ILRUN: variants seen among roughly 807,000 people sequenced by gnomAD.
The protein encoded by ILRUN is protein ILRUN.
In ILRUN, 3 loss-of-function variants were observed where a neutral mutation model predicts 33.8. The observed-to-expected ratio is 0.09, with a 90% confidence interval of 0.04 to 0.23. ILRUN has a LOEUF of 0.23. Ranked by LOEUF, ILRUN falls within the 10% of genes least tolerant of loss-of-function variation. The pLI, the probability that ILRUN is intolerant of heterozygous loss-of-function variation, is 1.00. For synonymous variants in ILRUN, 124 were observed against 138.9 expected, an observed-to-expected ratio of 0.89 and a Z score of 0.75; for missense variants, 210 against 375.1, an observed-to-expected ratio of 0.56 and a Z score of 3.64.
intron 1 of ILRUN, among the ~76,000 whole-genome samples, chr6:34,684,962 T>C (rs1763483063): frequency 6.6e-6 from 1 of 152,226 alleles, no homozygotes; most frequent in Non-Finnish European, 1.5e-5. Flanking sequence ...GTTAGAGGTT[T>C]CTAAGAAGGG....
Position 34,694,819 on chromosome 6 carries a change from G to A in ILRUN, c.158+1627C>T, listed in dbSNP as rs745576680. Among the ~76,000 whole-genome samples the A allele has an allele frequency of 6.6e-5, 10 of 152,114 alleles. No homozygotes were observed. In the East Asian group the frequency reaches 1.7e-3, roughly 26 times the overall value. Reference sequence around the variant, plus strand: ...TCCCAGCACTTTGGGAGGCCAAGGCGGGTGGATCACATGAGATCAGGAGTT... The same window carrying A: ...TCCCAGCACTTTGGGAGGCCAAGGCAGGTGGATCACATGAGATCAGGAGTT... On this transcript the variant is annotated intron_variant, in intron 1 of 4. Transcript: ENST00000374023.
chr6:34,641,580 C>T (rs1325448261), intron 3 of ILRUN, among the ~76,000 whole-genome samples: 1 of 152,100 alleles, frequency 6.6e-6, no homozygotes, highest in East Asian at 1.9e-4. Context: ...TTTATCCTTT[C>T]CCATTTTACA....
Position 34,626,330 on chromosome 6 carries a change from C to T in ILRUN, c.512-19426G>A, listed in dbSNP as rs562849178. Among the ~76,000 whole-genome samples, 3 of 152,234 alleles carry T rather than the reference C, an allele frequency of 2.0e-5. No individual in the cohort carries two copies. In the East Asian group the frequency reaches 5.8e-4, roughly 29 times the overall value. On this transcript the variant is annotated intron_variant, in intron 3 of 4. Coordinates refer to ENST00000374023, the MANE Select transcript of ILRUN (RefSeq NM_024294.4). ...AGGACTACAGGTGCATGTCACCATG[C>T]TCAGCTAATTTTTAAATTTTTTTGT...
intron 1 of ILRUN, among the ~76,000 whole-genome samples, chr6:34,676,513 T>C (rs80341154): frequency 7.1e-6 from 1 of 140,952 alleles, no homozygotes; most frequent in Admixed American, 6.8e-5. Flanking sequence ...GAGAGAGAGA[T>C]TTTTTTAAAG....
At chr6:34,641,869 A>T (rs911065433) in intron 3 of ILRUN, among the ~76,000 whole-genome samples, 3 of 152,234 alleles carry the variant, frequency 2.0e-5, no homozygotes, top group African/African-American at 7.2e-5. Flanking sequence ...ATCTAAAAAA[A>T]AGAAAAAAAA....
chr6:34,595,775 G>T (rs1355631076), intron 4 of ILRUN: 1 of 985,234 alleles, frequency 1.0e-6, no homozygotes, highest in Admixed American at 6.1e-5. Flanking sequence ...GTTCACACAG[G>T]TTAATAAAAA....
chr6:34,598,990 T>G (rs1337212842), intron 4 of ILRUN, among the ~76,000 whole-genome samples: 2 of 152,224 alleles, frequency 1.3e-5, no homozygotes, highest in Non-Finnish European at 2.9e-5. Context: ...TGTTGCTTCT[T>G]ACCGGCCACA....
chr6:34,643,874 G>C (rs561696810), intron 3 of ILRUN, among the ~76,000 whole-genome samples: 12 of 152,040 alleles, frequency 7.9e-5, no homozygotes, highest in Non-Finnish European at 1.6e-4. Flanking sequence ...GCTAATTTTT[G>C]TATTTTTAGT....
intron 3 of ILRUN, among the ~76,000 whole-genome samples, chr6:34,642,272 C>A (rs1352258084): frequency 6.6e-6 from 1 of 152,206 alleles, no homozygotes; most frequent in Non-Finnish European, 1.5e-5. Flanking sequence ...TATGCTCTAA[C>A]TGAACAAGAA....
intron 1 of ILRUN, among the ~76,000 whole-genome samples, chr6:34,683,951 C>G (rs1189688505): frequency 6.6e-6 from 1 of 151,834 alleles, no homozygotes; most frequent in Non-Finnish European, 1.5e-5. Context: ...GTGGTCCCAG[C>G]TACTTGGGAG....
chr6:34,655,972 C>G (rs1002901104), intron 1 of ILRUN, among the ~76,000 whole-genome samples: 1 of 152,034 alleles, frequency 6.6e-6, no homozygotes, highest in Non-Finnish European at 1.5e-5. Flanking sequence ...CAGTGGCTCA[C>G]GCCTGTAATC....
At chr6:34,681,167 G>A (rs889589958) in intron 1 of ILRUN, among the ~76,000 whole-genome samples, 9 of 152,032 alleles carry the variant, frequency 5.9e-5, no homozygotes, top group African/African-American at 9.7e-5. Context: ...TGCTTCATAA[G>A]AGGCTGACCT....
In ILRUN at chr6:34,685,199, G is replaced by C. The variant is rs773271295; in HGVS notation, c.158+11247C>G. On this transcript the variant is annotated intron_variant, in intron 1 of 4. Coordinates refer to ENST00000374023, the MANE Select transcript of ILRUN (RefSeq NM_024294.4). ...TCCAGGTGGAAATTAACTGGATTTA[G>C]CAAATGAACTGGGGTGTCCAGAAAA... Among the ~76,000 whole-genome samples the C allele has an allele frequency of 3.1e-4, 47 of 152,290 alleles. 1 individual carries two copies. Among genetic ancestry groups the C allele is most frequent in the Admixed American group, 1.6e-3 (24 of 15,290 alleles).
chr6:34,590,668 C>T (rs1262703394), intron 4 of ILRUN, 68 bp from the exon 5 acceptor site: 1 of 1,143,956 alleles, frequency 8.7e-7, no homozygotes, highest in Non-Finnish European at 1.3e-6. Flanking sequence ...AAACCAAGTG[C>T]AAGATCTATG....
In ILRUN at chr6:34,689,236, AGG is replaced by A. The variant is rs954090954; in HGVS notation, c.158+7208_158+7209del. Among the ~76,000 whole-genome samples, 198 of 151,800 alleles carry A rather than the reference AGG, an allele frequency of 1.3e-3. 1 individual carries two copies. Among genetic ancestry groups the A allele is most frequent in the African/African-American group, 4.5e-3 (187 of 41,380 alleles). ...GTAATCCCAAGTACTCAGGTGGCTGAGGTGGGAGAATCACTTGAGCCTCAGAG... is the reference window on the plus strand; with the variant it reads ...GTAATCCCAAGTACTCAGGTGGCTGATGGGAGAATCACTTGAGCCTCAGAG... On this transcript the variant is annotated intron_variant, in intron 1 of 4. Coordinates refer to ENST00000374023, the MANE Select transcript of ILRUN (RefSeq NM_024294.4).
At chr6:34,680,628 T>C (rs1763339049) in intron 1 of ILRUN, among the ~76,000 whole-genome samples, 2 of 152,146 alleles carry the variant, frequency 1.3e-5, no homozygotes, top group Admixed American at 1.3e-4. Context: ...AAATTTTGTA[T>C]TTTTAGTAGA....
In ILRUN at chr6:34,649,420, C is replaced by T. The variant is rs971622954; in HGVS notation, c.314-2622G>A. On this transcript the variant is annotated intron_variant, in intron 2 of 4. Coordinates refer to ENST00000374023, the MANE Select transcript of ILRUN (RefSeq NM_024294.4). ...GGATTAATGGGGGATAGATTTCTATCTAGAAGAAAAGAAAGACTAATCTGT... is the reference window on the plus strand; with the variant it reads ...GGATTAATGGGGGATAGATTTCTATTTAGAAGAAAAGAAAGACTAATCTGT... Among the ~76,000 whole-genome samples, 4 of 152,124 alleles carry T rather than the reference C, an allele frequency of 2.6e-5. No individual in the cohort carries two copies. In the East Asian group the frequency reaches 7.7e-4, roughly 29 times the overall value.
At chr6:34,597,043 G>A (rs922726008) in intron 4 of ILRUN, among the ~76,000 whole-genome samples, 5 of 151,482 alleles carry the variant, frequency 3.3e-5, no homozygotes, top group South Asian at 2.1e-4. Context: ...CCATCCTCCT[G>A]TCCATCCAAA....
At chr6:34,604,227 G>A (rs1284195072) in intron 4 of ILRUN, among the ~76,000 whole-genome samples, 1 of 152,126 alleles carries the variant, frequency 6.6e-6, no homozygotes, top group Non-Finnish European at 1.5e-5. Flanking sequence ...CCTCACCATA[G>A]TCCAGCCCTT....
Sources: allele counts gnomAD v4.1 joint callset (sites outside exome capture counted in the v4.1 genomes callset), GRCh38; gene constraint gnomAD v4.1.1; transcripts MANE v1.5; gene names NCBI Gene and HGNC (gene_info 2026-07-23, HGNC 2026-07-21).